CFTR: variants seen among roughly 807,000 people sequenced by gnomAD.
The protein encoded by CFTR is cystic fibrosis transmembrane conductance regulator.
CFTR carries 181 observed loss-of-function variants against 171.6 expected under a neutral mutation model. The observed-to-expected ratio is 1.05, with a 90% CI of 0.93 to 1.19. The LOEUF is 1.19. CFTR is among the 50% of genes most tolerant of loss of function. CFTR has a pLI of 0.00. For missense variants in CFTR, 1,968 were observed against 1,734.7 expected (o/e 1.13, Z -2.39); for synonymous variants, 583 against 608.0 (o/e 0.96, Z 0.60).
intron 1 of CFTR, among the ~76,000 whole-genome samples, chr7:117,494,780 T>A (rs914165330): frequency 1.3e-5 from 2 of 152,132 alleles, no homozygotes; most frequent in Admixed American, 6.6e-5. Context: ...CAATATATCA[T>A]GTGGGAGATA....
rs768243039 is a variant in CFTR, at chr7:117,559,575, A to G, written c.1504A>G (p.Ile502Val). 4 of 1,612,826 alleles carry G rather than the reference A, an allele frequency of 2.5e-6. No homozygotes were observed. Among genetic ancestry groups the G allele is most frequent in the Non-Finnish European group, 2.5e-6 (3 of 1,178,960 alleles). ...SQFSWIMPGT[I>V]KENIIFGVSY... ...GTTTTCCTGGATTATGCCTGGCACC[A>G]TTAAAGAAAATATCATCTTTGGTGT... Residue 502 changes from isoleucine (I) to valine (V), a missense_variant, in exon 11 of 27, where the codon ATT becomes GTT. Physicochemically the swap from Ile to Val is conservative, Grantham distance 29 (BLOSUM62 3). Coordinates refer to ENST00000003084, the MANE Select transcript of CFTR (RefSeq NM_000492.4).
chr7:117,542,600 G>C (rs1799075543), intron 9 of CFTR, among the ~76,000 whole-genome samples: 1 of 151,996 alleles, frequency 6.6e-6, no homozygotes, highest in East Asian at 1.9e-4. Flanking sequence ...AATATTAAAT[G>C]CAATATAAAA....
chr7:117,653,893 AT>A (rs1271956697), intron 24 of CFTR, among the ~76,000 whole-genome samples: 1 of 152,206 alleles, frequency 6.6e-6, no homozygotes, highest in Non-Finnish European at 1.5e-5. Flanking sequence ...AATCAAACCT[AT>A]TATGTACTTT....
chr7:117,641,322 T>C (rs1792908469), intron 22 of CFTR, among the ~76,000 whole-genome samples: 1 of 152,214 alleles, frequency 6.6e-6, no homozygotes, highest in Non-Finnish European at 1.5e-5. Flanking sequence ...TACTTTTCTA[T>C]GATGACATAG....
At chr7:117,645,513 G>A (rs1792984624) in intron 23 of CFTR, among the ~76,000 whole-genome samples, 1 of 152,188 alleles carries the variant, frequency 6.6e-6, no homozygotes, top group African/African-American at 2.4e-5. Flanking sequence ...ATTATGAAAG[G>A]CCAGCTCCCA....
intron 14 of CFTR, among the ~76,000 whole-genome samples, chr7:117,593,354 T>C (rs1261956026): frequency 1.3e-5 from 2 of 152,204 alleles, no homozygotes; most frequent in African/African-American, 4.8e-5. Flanking sequence ...GAAAACTTAA[T>C]GCCTTGGATG....
chr7:117,590,291 A>G, intron 12 of CFTR, 62 bp from the exon 13 acceptor site: 1 of 1,575,006 alleles, frequency 6.3e-7, no homozygotes, highest in East Asian at 2.3e-5. Flanking sequence ...AAGGCAAATC[A>G]TCTACACTAG....
intron 3 of CFTR, among the ~76,000 whole-genome samples, chr7:117,522,293 C>G (rs2116658593): frequency 1.3e-5 from 2 of 152,328 alleles, no homozygotes; most frequent in South Asian, 4.1e-4. Flanking sequence ...TCTGCAGACT[C>G]AGATCATATA....
At chr7:117,560,962 C>CT (rs200904480) in intron 11 of CFTR, among the ~76,000 whole-genome samples, 37 of 150,918 alleles carry the variant, frequency 2.5e-4, no homozygotes, top group African/African-American at 7.3e-4. Flanking sequence ...GCCTTACAGA[C>CT]TTTTTTTTTG....
chr7:117,622,217 T>A (rs948468684), intron 21 of CFTR, among the ~76,000 whole-genome samples: 3 of 152,210 alleles, frequency 2.0e-5, no homozygotes, highest in Non-Finnish European at 2.9e-5. Flanking sequence ...TTTGACTGAC[T>A]TTTTATGTGC....
intron 22 of CFTR, among the ~76,000 whole-genome samples, chr7:117,641,500 A>G (rs563425626): frequency 6.6e-6 from 1 of 152,338 alleles, no homozygotes; most frequent in African/African-American, 2.4e-5. Flanking sequence ...TATAAAGGCC[A>G]AATGACTTAA....
chr7:117,562,690 C>G (rs567023368), intron 11 of CFTR, among the ~76,000 whole-genome samples: 2 of 152,188 alleles, frequency 1.3e-5, no homozygotes, highest in South Asian at 2.1e-4. Context: ...AACTTGTAGG[C>G]TGGTTGGGGG....
In CFTR at chr7:117,592,310, C is replaced by T. The variant is rs397508343; in HGVS notation, c.2143C>T (p.Gln715Ter). The T allele has an allele frequency of 1.2e-6, 2 of 1,614,074 alleles. No individual in the cohort carries two copies. Among genetic ancestry groups the T allele is most frequent in the Non-Finnish European group, 1.7e-6 (2 of 1,180,004 alleles). ...INSIRKFSIV[Q>*]KTPLQMNGIE... The stretch of plus-strand genomic sequence containing the variant: ...CTCTATACGAAAATTTTCCATTGTG[C>T]AAAAGACTCCCTTACAAATGAATGG... The change falls in exon 14 of 27, where the codon CAA becomes TAA. Residue 715 changes from glutamine to a stop codon, truncating the protein, a stop_gained. Transcript: ENST00000003084. LOFTEE classifies it high-confidence loss of function.
At position 117,602,812 on chromosome 7, in the gene CFTR, T is replaced by C; in HGVS notation, c.2620-14T>C. ...TGTTAGAAAAAAAATCAACTGTGTC[T>C]TGTTCCATTCCAGGTGGCTGCTTCT... On this transcript the variant is annotated splice_polypyrimidine_tract_variant and intron_variant, in intron 15 of 26. Transcript: ENST00000003084. 6.2e-7 allele frequency: 1 copy of C among 1,613,456 alleles called. No individual in the cohort carries two copies. The highest frequency in any genetic ancestry group is 8.5e-7 in the Non-Finnish European group (1 of 1,179,360).
intron 1 of CFTR, among the ~76,000 whole-genome samples, chr7:117,493,578 C>T (rs919752334): frequency 6.6e-6 from 1 of 151,906 alleles, no homozygotes; most frequent in Non-Finnish European, 1.5e-5. Context: ...ATCTCCCTCC[C>T]AGTGATAATA....
chr7:117,483,734 C>CT (rs531877773), intron 1 of CFTR, among the ~76,000 whole-genome samples: 85 of 144,656 alleles, frequency 5.9e-4, no homozygotes, highest in Middle Eastern at 3.6e-3. Flanking sequence ...GCCTGGCTAA[C>CT]TTTTTTTTTT....
chr7:117,547,073 A>G (rs1042113871), intron 9 of CFTR, among the ~76,000 whole-genome samples: 3 of 152,244 alleles, frequency 2.0e-5, no homozygotes, highest in African/African-American at 7.2e-5. Flanking sequence ...ATAAATATTT[A>G]TTAGATAAAT....
intron 3 of CFTR, among the ~76,000 whole-genome samples, chr7:117,510,803 T>A (rs1798505974): frequency 6.6e-6 from 1 of 152,178 alleles, no homozygotes. Context: ...GAATTTAATA[T>A]TTATTGAGTA....
intron 21 of CFTR, among the ~76,000 whole-genome samples, chr7:117,626,991 C>G (rs1384276010): frequency 6.6e-6 from 1 of 151,956 alleles, no homozygotes; most frequent in Non-Finnish European, 1.5e-5. Flanking sequence ...AATTATTTAA[C>G]TGCAGATGTA....
Sources: allele counts gnomAD v4.1 joint callset (sites outside exome capture counted in the v4.1 genomes callset), GRCh38; gene constraint gnomAD v4.1.1; transcripts MANE v1.5; gene names NCBI Gene and HGNC (gene_info 2026-07-23, HGNC 2026-07-21).